The following DACH1 variants were observed in gnomAD, a reference collection of about 807,000 sequenced individuals.
The protein encoded by DACH1 is dachshund family transcription factor 1.
In DACH1, 12 loss-of-function variants were observed where a neutral mutation model predicts 54.2. That is an observed-to-expected ratio of 0.22 (90% CI 0.14 to 0.36). DACH1 has a LOEUF of 0.36. Among genes scored for constraint, DACH1 ranks in the 10% least tolerant of loss-of-function variants. The probability of loss-of-function intolerance (pLI) is 1.00; values close to 1 mark genes in which losing one functional copy is unlikely to be tolerated. For missense variants in DACH1, 805 were observed against 929.8 expected (o/e 0.87, Z 1.75); for synonymous variants, 386 against 366.2 (o/e 1.05, Z -0.62).
At chr13:71,560,641 C>A (rs2138384404) in intron 4 of DACH1, among the ~76,000 whole-genome samples, 1 of 152,210 alleles carries the variant, frequency 6.6e-6, no homozygotes, top group Non-Finnish European at 1.5e-5. Context: ...CTTCCTGATA[C>A]TCTATTTTAT....
At chr13:71,540,011 A>T (rs542258663) in intron 6 of DACH1, among the ~76,000 whole-genome samples, 4 of 152,012 alleles carry the variant, frequency 2.6e-5, no homozygotes, top group Non-Finnish European at 5.9e-5. Context: ...CAATAAAATG[A>T]TCTATCATTG....
At chr13:71,823,769 T>G (rs1455374724) in intron 1 of DACH1, among the ~76,000 whole-genome samples, 1 of 151,982 alleles carries the variant, frequency 6.6e-6, no homozygotes, top group African/African-American at 2.4e-5. Flanking sequence ...AGATAAGCAC[T>G]GTTAAATGAT....
chr13:71,651,955 G>A (rs1878720100), intron 2 of DACH1, among the ~76,000 whole-genome samples: 1 of 152,086 alleles, frequency 6.6e-6, no homozygotes, highest in South Asian at 2.1e-4. Flanking sequence ...AGCTCCTAGA[G>A]ATATTCTTGC....
rs1331091437 is a variant in DACH1 at position 71,485,077 on chromosome 13, A to G, written c.1722+3920T>C. On this transcript the variant is annotated intron_variant, in intron 7 of 10. Coordinates refer to ENST00000613252, the MANE Select transcript of DACH1 (RefSeq NM_080759.6). Reference sequence around the variant, plus strand: ...TCTTAAATTTAAAAAAAAAAAAAGAAAAAAGAGTAAGCAGAATTATCCTTT... The same window carrying G: ...TCTTAAATTTAAAAAAAAAAAAAGAGAAAAGAGTAAGCAGAATTATCCTTT... Among the ~76,000 whole-genome samples the G allele has an allele frequency of 1.3e-5, 2 of 151,932 alleles. 1 individual carries two copies. Among genetic ancestry groups the G allele is most frequent in the African/African-American group, 4.8e-5 (2 of 41,370 alleles).
chr13:71,537,579 T>A (rs552680083), intron 6 of DACH1, among the ~76,000 whole-genome samples: 1 of 152,176 alleles, frequency 6.6e-6, no homozygotes, highest in African/African-American at 2.4e-5. Context: ...AGCAAAGAAA[T>A]TTCAGGAATG....
At chr13:71,711,960 C>G (rs1369932854) in intron 1 of DACH1, among the ~76,000 whole-genome samples, 1 of 151,920 alleles carries the variant, frequency 6.6e-6, no homozygotes, top group Admixed American at 6.6e-5. Flanking sequence ...TTATGTTAAC[C>G]AAAACAGCAA....
intron 3 of DACH1, among the ~76,000 whole-genome samples, chr13:71,624,500 C>T (rs1353185500): frequency 6.6e-6 from 1 of 151,822 alleles, no homozygotes; most frequent in Non-Finnish European, 1.5e-5. Context: ...GTATATGCTC[C>T]ACGTTTACAA....
intron 1 of DACH1, among the ~76,000 whole-genome samples, chr13:71,812,505 G>A (rs1887751105): frequency 6.6e-6 from 1 of 150,534 alleles, no homozygotes; most frequent in South Asian, 2.1e-4. Context: ...GTGGTTAGAG[G>A]CATCAAAATG....
intron 6 of DACH1, among the ~76,000 whole-genome samples, chr13:71,491,471 A>G (rs1033745273): frequency 6.6e-6 from 1 of 152,192 alleles, no homozygotes; most frequent in Non-Finnish European, 1.5e-5. Flanking sequence ...TTTCAGCTGT[A>G]TGAGAATAGG....
chr13:71,845,713 G>A (rs962600193), intron 1 of DACH1, among the ~76,000 whole-genome samples: 15 of 152,172 alleles, frequency 9.9e-5, no homozygotes, highest in Middle Eastern at 3.2e-3. Context: ...GTCAAGAAAG[G>A]ACTGGAATTA....
chr13:71,565,676 T>TA (rs921136216), intron 4 of DACH1, among the ~76,000 whole-genome samples: 7 of 151,490 alleles, frequency 4.6e-5, no homozygotes, highest in Non-Finnish European at 1.0e-4. Context: ...TACATAGCTT[T>TA]AAAAAAAAAC....
rs1284685636 is a variant in DACH1 at position 71,798,271 on chromosome 13, G to T, written c.848+67651C>A. The stretch of plus-strand genomic sequence containing the variant: ...ATCTGTTTGACTTTTCCCCTTTCCG[G>T]CATCAAGCAAATGAACTATGAAAGA... On this transcript the variant is annotated intron_variant, in intron 1 of 10. Coordinates refer to ENST00000613252, the MANE Select transcript of DACH1 (RefSeq NM_080759.6). Among the ~76,000 whole-genome samples, 5 of 143,160 alleles carry T rather than the reference G, an allele frequency of 3.5e-5. No individual in the cohort carries two copies. In the South Asian group the frequency reaches 1.1e-3, roughly 31 times the overall value. 93.9% of individuals were successfully genotyped at this position (143,160 alleles called of 152,430 possible).
At chr13:71,771,244 T>C (rs2138035678) in intron 1 of DACH1, among the ~76,000 whole-genome samples, 1 of 148,982 alleles carries the variant, frequency 6.7e-6, no homozygotes, top group Middle Eastern at 3.4e-3. Context: ...AAATATACTA[T>C]TAAGAATGAG....
At chr13:71,457,256 A>G (rs113439123) in intron 10 of DACH1, among the ~76,000 whole-genome samples, 4,533 of 152,100 alleles carry the variant, frequency 0.03, 244 homozygotes, top group African/African-American at 0.1. Context: ...CTGGTATCCA[A>G]CATATTGCCA....
chr13:71,782,671 T>C (rs536534453), intron 1 of DACH1, among the ~76,000 whole-genome samples: 3 of 152,222 alleles, frequency 2.0e-5, no homozygotes, highest in Admixed American at 1.3e-4. Context: ...ATTCATCTGC[T>C]TTTTCCCATA....
At chr13:71,719,023 T>C (rs770769660) in intron 1 of DACH1, among the ~76,000 whole-genome samples, 87 of 152,168 alleles carry the variant, frequency 5.7e-4, no homozygotes, top group Admixed American at 7.9e-4. Flanking sequence ...TCTCTACTGT[T>C]AGTGGAGCTT....
chr13:71,584,284 C>T (rs778620532), intron 3 of DACH1, among the ~76,000 whole-genome samples: 2 of 152,176 alleles, frequency 1.3e-5, no homozygotes, highest in East Asian at 1.9e-4. Flanking sequence ...TTAAAATGAT[C>T]TGTGTAAAAA....
Position 71,528,336 on chromosome 13 carries a change from A to C in DACH1, c.1570+28688T>G, listed in dbSNP as rs374145006. Among the ~76,000 whole-genome samples, 6 of 152,244 alleles carry C rather than the reference A, an allele frequency of 3.9e-5. No individual in the cohort carries two copies. In the East Asian group the frequency reaches 7.7e-4, roughly 20 times the overall value. On this transcript the variant is annotated intron_variant, in intron 6 of 10. Coordinates refer to ENST00000613252, the MANE Select transcript of DACH1 (RefSeq NM_080759.6). ...CAATACATTCACCTATTTACAGGTTAATTTCATCAACTATGGAATATATGT... is the reference window on the plus strand; with the variant it reads ...CAATACATTCACCTATTTACAGGTTCATTTCATCAACTATGGAATATATGT...
intron 1 of DACH1, among the ~76,000 whole-genome samples, chr13:71,708,373 T>C (rs1882547567): frequency 6.6e-6 from 1 of 152,186 alleles, no homozygotes; most frequent in Admixed American, 6.5e-5. Context: ...ATTAACTTAG[T>C]AAATTATTAT....
Sources: allele counts gnomAD v4.1 joint callset (sites outside exome capture counted in the v4.1 genomes callset), GRCh38; gene constraint gnomAD v4.1.1; transcripts MANE v1.5; gene names NCBI Gene and HGNC (gene_info 2026-07-23, HGNC 2026-07-21).